Variants in NETO1 observed in about 807,000 individuals in gnomAD.
The protein encoded by NETO1 is neuropilin and tolloid like 1.
A neutral mutation model predicts 61.3 loss-of-function variants in NETO1; 26 were observed. That is an observed-to-expected ratio of 0.42 (90% confidence interval 0.31 to 0.59). The LOEUF is 0.59. NETO1 is among the 20% of genes least tolerant of loss of function. The probability of loss-of-function intolerance (pLI) is 0.12; values close to 1 mark genes in which losing one functional copy is unlikely to be tolerated. For missense variants in NETO1, 531 were observed against 662.8 expected (o/e 0.80, Z 2.18); for synonymous variants, 225 against 225.8 (o/e 1.00, Z 0.03).
chr18:72,750,200 G>A lies in NETO1; in HGVS notation c.1403C>T (p.Pro468Leu). 6.2e-7 allele frequency: 1 copy of A among 1,614,090 alleles called. No individual in the cohort carries two copies. Among genetic ancestry groups the A allele is most frequent in the Non-Finnish European group, 8.5e-7 (1 of 1,179,994 alleles). Residue 468 changes from proline (P) to leucine (L), a missense_variant, in exon 9 of 11, where the codon CCA becomes CTA. Physicochemically the swap from Pro to Leu is moderately conservative, Grantham distance 98. Coordinates refer to ENST00000327305, the MANE Select transcript of NETO1 (RefSeq NM_138966.5). Reference sequence around the variant, plus strand: ...AAGGATATTTCTTCTGTTCATGGGTGGGATGAGGGGTTTTCCTGGCTGTGT... The same window carrying A: ...AAGGATATTTCTTCTGTTCATGGGTAGGATGAGGGGTTTTCCTGGCTGTGT... ...MPTQPGKPLI[P>L]PMNRRNILVM...
At chr18:72,834,141 A>G in intron 4 of NETO1, 1 of 830,652 alleles carries the variant, frequency 1.2e-6, no homozygotes, top group Non-Finnish European at 1.5e-6. Flanking sequence ...AGAGCTTCGG[A>G]CAATATTTTT....
intron 3 of NETO1, among the ~76,000 whole-genome samples, chr18:72,860,015 T>C (rs1366155154): frequency 1.3e-5 from 2 of 152,210 alleles, no homozygotes; most frequent in African/African-American, 4.8e-5. Context: ...GGGAAAGCTT[T>C]ATAGGGCTGG....
intron 4 of NETO1, among the ~76,000 whole-genome samples, chr18:72,810,150 A>AT (rs2072818231): frequency 1.3e-5 from 2 of 152,238 alleles, no homozygotes; most frequent in African/African-American, 4.8e-5. Flanking sequence ...ATCTTGGTCC[A>AT]TTTTAAATAC....
At chr18:72,837,193 T>C (rs1306734078) in intron 4 of NETO1, among the ~76,000 whole-genome samples, 2 of 152,182 alleles carry the variant, frequency 1.3e-5, no homozygotes, top group African/African-American at 4.8e-5. Flanking sequence ...TGGGGTATTT[T>C]TCAGAATGTG....
At chr18:72,848,280 T>G (rs1196217649) in intron 4 of NETO1, among the ~76,000 whole-genome samples, 1 of 152,124 alleles carries the variant, frequency 6.6e-6, no homozygotes, top group Non-Finnish European at 1.5e-5. Context: ...AAGATTCATA[T>G]CAACCCCACA....
intron 7 of NETO1, among the ~76,000 whole-genome samples, chr18:72,773,161 T>A (rs1860347416): frequency 6.6e-6 from 1 of 151,902 alleles, no homozygotes; most frequent in African/African-American, 2.4e-5. Context: ...CCTCCTCACT[T>A]GCATCTGAGT....
chr18:72,835,429 T>C, intron 4 of NETO1: 1 of 772,662 alleles, frequency 1.3e-6, no homozygotes. Context: ...GAGGAGCAAA[T>C]CCAAAGTAGG....
intron 7 of NETO1, among the ~76,000 whole-genome samples, chr18:72,763,571 C>T (rs1029024169): frequency 4.6e-5 from 7 of 150,966 alleles, no homozygotes; most frequent in Non-Finnish European, 7.4e-5. Flanking sequence ...CAGAGTCACA[C>T]AAACTCATAC....
intron 1 of NETO1, 94 bp downstream of exon 1, chr18:72,867,170 G>T: frequency 1.1e-6 from 1 of 931,826 alleles, no homozygotes; most frequent in Non-Finnish European, 1.5e-6. Context: ...CCGCCGGAGC[G>T]CGGCGCAGAG....
intron 6 of NETO1, among the ~76,000 whole-genome samples, chr18:72,786,710 TCA>T: frequency 6.6e-6 from 1 of 152,266 alleles, no homozygotes; most frequent in Admixed American, 6.5e-5. Context: ...CTAAAATTAT[TCA>T]GAGAATTTCA....
chr18:72,794,460 A>T, intron 4 of NETO1, 56 bp from the exon 5 acceptor site: 1 of 1,515,602 alleles, frequency 6.6e-7, no homozygotes, highest in Non-Finnish European at 9.0e-7. Flanking sequence ...ACTTACAGTG[A>T]GTTTAAGTTA....
chr18:72,756,169 C>T, intron 7 of NETO1, 22 bp from the exon 8 acceptor site: 1 of 1,226,400 alleles, frequency 8.2e-7, no homozygotes, highest in Non-Finnish European at 1.2e-6. Flanking sequence ...AAGAACAAGA[C>T]AAAGGAGGAA....
At chr18:72,750,834 A>C (rs2070579647) in intron 8 of NETO1, among the ~76,000 whole-genome samples, 1 of 148,944 alleles carries the variant, frequency 6.7e-6, no homozygotes, top group South Asian at 2.1e-4. Flanking sequence ...CCTTAAAAAT[A>C]GCCCTCCCTC....
At chr18:72,855,304 T>C (rs2074383255) in intron 4 of NETO1, among the ~76,000 whole-genome samples, 1 of 152,228 alleles carries the variant, frequency 6.6e-6, no homozygotes, top group Non-Finnish European at 1.5e-5. Context: ...TCTTATCCTT[T>C]GAAGACCCAG....
At chr18:72,790,315 G>A (rs781055356) in intron 6 of NETO1, among the ~76,000 whole-genome samples, 2 of 151,754 alleles carry the variant, frequency 1.3e-5, no homozygotes, top group Non-Finnish European at 2.9e-5. Context: ...ATATAAACAA[G>A]TATTATTTGT....
In NETO1 at chr18:72,775,282, G is replaced by A. The variant is rs559093932; in HGVS notation, c.868+8396C>T. ...TTAGAAATATTGGCATTTAACACAA[G>A]CTTTATAAAATGCTTCTAATGTGCA... is the stretch of plus-strand genomic sequence containing the variant. On this transcript the variant is annotated intron_variant, in intron 7 of 10. Transcript: ENST00000327305. Among the ~76,000 whole-genome samples, 8 of 152,292 alleles carry A rather than the reference G, an allele frequency of 5.3e-5. No homozygotes were observed. In the East Asian group the frequency reaches 1.5e-3, roughly 29 times the overall value.
At chr18:72,803,615 A>G (rs968801189) in intron 4 of NETO1, among the ~76,000 whole-genome samples, 2 of 152,140 alleles carry the variant, frequency 1.3e-5, no homozygotes, top group Non-Finnish European at 2.9e-5. Context: ...TGAGGCTGGG[A>G]GTTCAAGACC....
chr18:72,785,666 G>A (rs953436194), intron 6 of NETO1, among the ~76,000 whole-genome samples: 4 of 152,176 alleles, frequency 2.6e-5, no homozygotes, highest in African/African-American at 9.7e-5. Context: ...GTTAGGCATA[G>A]CTGAAATTTG....
At chr18:72,851,182 C>A (rs542532116) in intron 4 of NETO1, among the ~76,000 whole-genome samples, 67 of 152,202 alleles carry the variant, frequency 4.4e-4, no homozygotes, top group Non-Finnish European at 6.8e-4. Context: ...GAAGCCCAGG[C>A]TGGCGGATCA....
Sources: allele counts gnomAD v4.1 joint callset (sites outside exome capture counted in the v4.1 genomes callset), GRCh38; gene constraint gnomAD v4.1.1; transcripts MANE v1.5; gene names NCBI Gene and HGNC (gene_info 2026-07-23, HGNC 2026-07-21).